Variants in EXOC3L2 observed in about 807,000 individuals in gnomAD.
The protein encoded by EXOC3L2 is exocyst complex component 3 like 2, also known as exocyst complex component 3-like protein 2.
Under a neutral mutation model 44.4 loss-of-function variants are expected in EXOC3L2, and 17 were observed. The ratio of observed to expected loss-of-function variants is 0.38; its 90% CI spans 0.26 to 0.57. The LOEUF is 0.57. EXOC3L2 is among the 20% of genes least tolerant of loss of function. The pLI is 0.65. For synonymous variants in EXOC3L2, 256 were observed against 253.7 expected, an observed-to-expected ratio of 1.01 and a Z score of -0.09; for missense variants, 541 against 588.4, an observed-to-expected ratio of 0.92 and a Z score of 0.83.
At chr19:45,232,486 A>G (rs148797193) in intron 3 of EXOC3L2, among the ~76,000 whole-genome samples, 5 of 152,324 alleles carry the variant, frequency 3.3e-5, no homozygotes, top group South Asian at 2.1e-4. Flanking sequence ...TATGTGGTCA[A>G]TGTGGGTATC....
Position 45,238,534 on chromosome 19 carries a change from T to C in EXOC3L2, c.512A>G (p.Glu171Gly). The C allele has an allele frequency of 5.0e-6, 2 of 399,686 alleles. No homozygotes were observed. The highest frequency in any genetic ancestry group is 6.3e-4 in the Middle Eastern group (1 of 1,592). 24.8% of individuals were successfully genotyped at this position (399,686 alleles called of 1,614,324 possible). The change falls in exon 2 of 12, where the codon GAG becomes GGG. Residue 171 changes from glutamate to glycine, a missense_variant. Transcript: ENST00000413988. This position sits in a 1 kb window ranked among gnomAD's most constrained non-coding sequence, Gnocchi z 5.5. ...PKVPEPPKMK[E>G]PLSVLEILSL... Reference sequence around the variant, plus strand: ...GGCTCCGGACTCACCTGACAATGGCTCCTTCATCTTTGGGGGCTCTGGGAC... The same window carrying C: ...GGCTCCGGACTCACCTGACAATGGCCCCTTCATCTTTGGGGGCTCTGGGAC...
chr19:45,229,372 A>G (rs1210528538), intron 4 of EXOC3L2, among the ~76,000 whole-genome samples: 7 of 144,020 alleles, frequency 4.9e-5, no homozygotes, highest in African/African-American at 1.5e-4. Context: ...ATATATTTAT[A>G]TATTAAATAT....
chr19:45,240,748 T>G (rs958491924), intron 1 of EXOC3L2, among the ~76,000 whole-genome samples: 1 of 151,420 alleles, frequency 6.6e-6, no homozygotes, highest in Non-Finnish European at 1.5e-5. Context: ...ATAAAAAAAG[T>G]AAAAAATTAG....
chr19:45,224,967 G>A (rs1277557362), intron 7 of EXOC3L2, 54 bp from the exon 8 acceptor site: 2 of 1,479,010 alleles, frequency 1.4e-6, no homozygotes, highest in African/African-American at 1.4e-5. Flanking sequence ...CAGCCCAACT[G>A]CCTAGGCCTG....
intron 3 of EXOC3L2, among the ~76,000 whole-genome samples, chr19:45,232,863 A>G (rs1970045443): frequency 6.6e-6 from 1 of 152,096 alleles, no homozygotes; most frequent in African/African-American, 2.4e-5. Context: ...GGATCACTTG[A>G]GGTCAGGAGT....
chr19:45,223,973 G>A (rs779979217), intron 8 of EXOC3L2, among the ~76,000 whole-genome samples: 2 of 152,014 alleles, frequency 1.3e-5, no homozygotes, highest in South Asian at 2.1e-4. Context: ...CAGCCTGGGC[G>A]ACACAGGGAG....
chr19:45,220,939 G>A (rs1969889880), intron 8 of EXOC3L2, among the ~76,000 whole-genome samples: 1 of 151,842 alleles, frequency 6.6e-6, no homozygotes. Context: ...ATAGGATGAA[G>A]TGAGTGACCA....
intron 11 of EXOC3L2, 97 bp downstream of exon 11, chr19:45,215,964 GCTCACCGGCTCC>G: frequency 6.8e-7 from 1 of 1,476,412 alleles, no homozygotes; most frequent in South Asian, 1.3e-5. Flanking sequence ...CGTCAGACAC[GCTCACCGGCTCC>G]CTCCCTCAGG....
chr19:45,233,042 C>T (rs1195065533), intron 3 of EXOC3L2, among the ~76,000 whole-genome samples: 1 of 152,068 alleles, frequency 6.6e-6, no homozygotes, highest in Admixed American at 6.6e-5. Context: ...ATGGTGAAAC[C>T]CCGTCTCTAC....
intron 8 of EXOC3L2, among the ~76,000 whole-genome samples, 169 bp downstream of exon 8, chr19:45,224,609 C>G (rs1273823212): frequency 6.6e-6 from 1 of 152,110 alleles, no homozygotes; most frequent in African/African-American, 2.4e-5. Flanking sequence ...GGTGGGTGCA[C>G]CCTCTCCACT....
chr19:45,222,665 T>C (rs1483708864), intron 8 of EXOC3L2, among the ~76,000 whole-genome samples: 2 of 152,156 alleles, frequency 1.3e-5, no homozygotes, highest in Admixed American at 6.6e-5. Context: ...TAGTGGTTTA[T>C]AAGGCCAGGC....
chr19:45,218,509 C>G (rs1200259963), intron 8 of EXOC3L2, among the ~76,000 whole-genome samples, 190 bp from the exon 9 acceptor site: 1 of 152,106 alleles, frequency 6.6e-6, no homozygotes, highest in Non-Finnish European at 1.5e-5. Flanking sequence ...GACTGGTCCC[C>G]AGGTAGTGAT....
At chr19:45,222,691 T>C (rs1357342450) in intron 8 of EXOC3L2, among the ~76,000 whole-genome samples, 1 of 152,208 alleles carries the variant, frequency 6.6e-6, no homozygotes, top group Non-Finnish European at 1.5e-5. Flanking sequence ...GGCTCATGCC[T>C]GTAATCCCAG....
chr19:45,231,729 A>AC (rs1302575977), intron 4 of EXOC3L2, 34 bp downstream of exon 4: 6 of 1,575,668 alleles, frequency 3.8e-6, no homozygotes, highest in Non-Finnish European at 3.5e-6. Flanking sequence ...CCTCCACAGC[A>AC]CCTCCTGCTT....
chr19:45,226,999 C>CGCCT (rs1969970173), intron 7 of EXOC3L2, among the ~76,000 whole-genome samples: 1 of 148,528 alleles, frequency 6.7e-6, no homozygotes, highest in Non-Finnish European at 1.5e-5. Flanking sequence ...ATGATCTACC[C>CGCCT]GCCTCGGCCT....
chr19:45,234,252 G>A lies in EXOC3L2; in HGVS notation c.1098C>T (p.Arg366=). ...CGTAGCGGTCGGCCAGCGGCAGCCT[G>A]CGACGGGCGGAGGCCCCCAGCCACT... ...LAEWLGASAR[R]RLPLADRYAL... The change falls in exon 3 of 12, where the codon CGC becomes CGT. Residue 366 remains arginine (R), a synonymous_variant. Transcript: ENST00000413988. This position sits in a 1 kb window ranked among gnomAD's most constrained non-coding sequence, Gnocchi z 5.0. The A allele has an allele frequency of 2.5e-6, 1 of 396,262 alleles. No individual in the cohort carries two copies. The highest frequency in any genetic ancestry group is 4.5e-6 in the Non-Finnish European group (1 of 224,418). 24.5% of individuals were successfully genotyped at this position (396,262 alleles called of 1,614,324 possible).
rs1207595465 is a variant in EXOC3L2 at position 45,217,659 on chromosome 19, G to A, written c.1867C>T (p.Arg623Trp). 4.2e-6 allele frequency: 6 copies of A among 1,419,880 alleles called. No homozygotes were observed. The highest frequency in any genetic ancestry group is 3.7e-6 in the Non-Finnish European group (4 of 1,095,606). 88.0% of individuals were successfully genotyped at this position (1,419,880 alleles called of 1,614,324 possible). Residue 623 changes from arginine (R) to tryptophan (W), a missense_variant, in exon 10 of 12, where the codon CGG (arginine) becomes TGG (tryptophan). By Grantham distance (101) the Arg-to-Trp change is moderately radical (BLOSUM62 -3). Transcript: ENST00000413988. ...GGCCGCACGTACTCGACCAGCGCCC[G>A]CCGGTGTAGCTCGGCTACCAGCGCC... ...YQALVAELHR[R>W]ALVEYVRPLL...
chr19:45,213,790 C>T (rs1191091082), intron 11 of EXOC3L2, among the ~76,000 whole-genome samples: 1 of 147,560 alleles, frequency 6.8e-6, no homozygotes, highest in Admixed American at 6.7e-5. Context: ...ACTAAAAATA[C>T]ATTAAAAAAA....
At chr19:45,229,406 T>G (rs1347377553) in intron 4 of EXOC3L2, among the ~76,000 whole-genome samples, 1 of 146,552 alleles carries the variant, frequency 6.8e-6, no homozygotes. Context: ...ATAATGTGTA[T>G]ATTAATAATT....
Sources: gnomAD v4.1 joint callset for allele counts (sites outside exome capture counted in the v4.1 genomes callset) on GRCh38, gnomAD v4.1.1 for gene constraint, Gnocchi (gnomAD v3.1) non-coding constraint, MANE v1.5 for transcripts, NCBI Gene and HGNC (gene_info 2026-07-23, HGNC 2026-07-21) for gene names.